Variants in SOX6 observed in about 807,000 individuals in gnomAD.
The protein encoded by SOX6 is transcription factor SOX-6.
A neutral mutation model predicts 97.8 loss-of-function variants in SOX6; 11 were observed. The ratio of observed to expected loss-of-function variants is 0.11; its 90% confidence interval spans 0.07 to 0.19. The LOEUF (loss-of-function observed/expected upper bound fraction) is 0.19. Ranked by LOEUF, SOX6 falls within the 10% of genes least tolerant of loss-of-function variation. The pLI, the probability that SOX6 is intolerant of heterozygous loss-of-function variation, is 1.00. For missense variants in SOX6, 810 were observed against 1,039.5 expected (o/e 0.78, Z 3.04); for synonymous variants, 360 against 371.4 (o/e 0.97, Z 0.35).
chr11:16,407,636 T>C (rs572858456), intron 1 of SOX6, among the ~76,000 whole-genome samples: 1 of 152,208 alleles, frequency 6.6e-6, no homozygotes, highest in East Asian at 1.9e-4. Context: ...AATACTATCC[T>C]ATAGCACCAC....
At chr11:16,308,376 C>T (rs951030455) in intron 3 of SOX6, among the ~76,000 whole-genome samples, 2 of 152,086 alleles carry the variant, frequency 1.3e-5, no homozygotes, top group African/African-American at 4.8e-5. Context: ...TCCTTTAATG[C>T]TTATCTAGAC....
intron 4 of SOX6, among the ~76,000 whole-genome samples, chr11:16,588,901 T>G (rs1253043469): frequency 2.0e-5 from 3 of 152,168 alleles, no homozygotes; most frequent in African/African-American, 7.2e-5. Flanking sequence ...CATGGTGGCC[T>G]ATCATCCCAG....
At chr11:16,137,172 A>C (rs995435889) in intron 6 of SOX6, among the ~76,000 whole-genome samples, 17 of 152,206 alleles carry the variant, frequency 1.1e-4, no homozygotes, top group African/African-American at 4.1e-4. Flanking sequence ...GCAGTGGCTC[A>C]TGCCTGTAAT....
At chr11:16,554,816 AAGAG>A (rs1174377080) in intron 4 of SOX6, among the ~76,000 whole-genome samples, 3 of 152,076 alleles carry the variant, frequency 2.0e-5, no homozygotes, top group African/African-American at 7.2e-5. Context: ...GGAAAGGGGA[AAGAG>A]AGAGACGAGC....
chr11:15,979,514 C>T (rs11023806), intron 15 of SOX6, among the ~76,000 whole-genome samples: 49,303 of 151,896 alleles, frequency 0.32, 9,457 homozygotes, highest in Non-Finnish European at 0.43. Context: ...CCATCTCACT[C>T]AGGGTCAAAT....
At chr11:16,531,536 T>C (rs1861236515) in intron 4 of SOX6, among the ~76,000 whole-genome samples, 1 of 151,896 alleles carries the variant, frequency 6.6e-6, no homozygotes, top group Non-Finnish European at 1.5e-5. Context: ...AAATATTACA[T>C]TCCTATTTTT....
intron 3 of SOX6, chr11:16,311,923 A>G (rs1855613870): frequency 6.6e-6 from 1 of 152,192 alleles, no homozygotes; most frequent in African/African-American, 2.4e-5. Context: ...AGAGATGTGA[A>G]CAATGATAAT....
intron 12 of SOX6, among the ~76,000 whole-genome samples, chr11:16,027,565 T>C (rs1224373612): frequency 6.6e-6 from 1 of 152,192 alleles, no homozygotes; most frequent in African/African-American, 2.4e-5. Context: ...AAGACAGGAA[T>C]TTAAACCCAA....
At chr11:16,106,055 G>T (rs538184993) in intron 7 of SOX6, among the ~76,000 whole-genome samples, 21 of 152,148 alleles carry the variant, frequency 1.4e-4, no homozygotes, top group African/African-American at 5.1e-4. Flanking sequence ...AATTAAAGAT[G>T]ACATAAATAA....
intron 1 of SOX6, among the ~76,000 whole-genome samples, chr11:16,351,569 T>C (rs1856947092): frequency 1.3e-5 from 2 of 152,074 alleles, no homozygotes; most frequent in Non-Finnish European, 2.9e-5. Flanking sequence ...CTCCTGACCC[T>C]GGCACTTGAG....
chr11:16,152,928 G>A (rs756465151), intron 6 of SOX6, among the ~76,000 whole-genome samples: 62 of 151,690 alleles, frequency 4.1e-4, no homozygotes, highest in Non-Finnish European at 7.8e-4. Flanking sequence ...GTGCAGTGGC[G>A]CTATCTCGGC....
chr11:16,162,242 T>C (rs1850767738), intron 6 of SOX6, among the ~76,000 whole-genome samples: 1 of 152,194 alleles, frequency 6.6e-6, no homozygotes, highest in Admixed American at 6.5e-5. Flanking sequence ...GATATCCATA[T>C]AGGTCAGAAT....
chr11:16,102,396 A>G (rs1258096654), intron 7 of SOX6, among the ~76,000 whole-genome samples: 1 of 152,054 alleles, frequency 6.6e-6, no homozygotes, highest in African/African-American at 2.4e-5. Flanking sequence ...AACAAATGGA[A>G]ACACATCCCA....
intron 3 of SOX6, among the ~76,000 whole-genome samples, chr11:16,681,618 A>C (rs113278924): frequency 6.6e-6 from 1 of 152,290 alleles, no homozygotes; most frequent in African/African-American, 2.4e-5. Context: ...TCAGAGAAGA[A>C]CTGAAGGAGA....
chr11:16,550,549 G>A (rs1340639897), intron 4 of SOX6, among the ~76,000 whole-genome samples: 3 of 152,042 alleles, frequency 2.0e-5, no homozygotes, highest in Non-Finnish European at 4.4e-5. Context: ...CGTATAAAAT[G>A]TCTATCACTG....
intron 9 of SOX6, among the ~76,000 whole-genome samples, chr11:16,069,372 C>T (rs1848168446): frequency 6.6e-6 from 1 of 152,180 alleles, no homozygotes; most frequent in South Asian, 2.1e-4. Context: ...ACTCATTTCT[C>T]GTTGTGTTCT....
chr11:16,311,796 A>C (rs1347484781), intron 3 of SOX6: 1 of 152,180 alleles, frequency 6.6e-6, no homozygotes, highest in Non-Finnish European at 1.5e-5. Context: ...TCATTGTTTA[A>C]ACTATACCAT....
intron 3 of SOX6, among the ~76,000 whole-genome samples, chr11:16,685,135 G>A (rs889231388): frequency 2.0e-5 from 3 of 152,066 alleles, no homozygotes; most frequent in Non-Finnish European, 4.4e-5. Flanking sequence ...GGATTTGGTG[G>A]TGACATATAT....
chr11:16,354,720 ACAGAAGCAGCCTTG>A (rs1857031660), intron 1 of SOX6, among the ~76,000 whole-genome samples: 1 of 152,044 alleles, frequency 6.6e-6, no homozygotes, highest in South Asian at 2.1e-4. Flanking sequence ...TAATTTTTAA[ACAGAAGCAGCCTTG>A]CAGTATACTA....
Sources: gnomAD v4.1 joint callset for allele counts (sites outside exome capture counted in the v4.1 genomes callset) on GRCh38, gnomAD v4.1.1 for gene constraint, MANE v1.5 for transcripts, NCBI Gene and HGNC (gene_info 2026-07-23, HGNC 2026-07-21) for gene names.